GPHN: variants seen among roughly 807,000 people sequenced by gnomAD.
The protein encoded by GPHN is gephyrin.
GPHN carries 17 observed loss-of-function variants against 95.5 expected under a neutral mutation model. The ratio of observed to expected loss-of-function variants is 0.18; its 90% CI spans 0.12 to 0.27. The LOEUF (loss-of-function observed/expected upper bound fraction) is 0.27, where lower values mean the gene tolerates loss of function less well. GPHN is among the 10% of genes least tolerant of loss of function. GPHN has a pLI of 1.00. For synonymous variants in GPHN, 320 were observed against 322.5 expected, an observed-to-expected ratio of 0.99 and a Z score of 0.08; for missense variants, 660 against 978.1, an observed-to-expected ratio of 0.67 and a Z score of 4.34.
chr14:67,548,328 T>A, the GPHN span, among the ~76,000 whole-genome samples: 1 of 152,214 alleles, frequency 6.6e-6, no homozygotes, highest in African/African-American at 2.4e-5. Context: ...ATGGCATCAA[T>A]ATTAGAACTA....
chr14:67,619,936 C>G, the GPHN span: 1 of 1,384,654 alleles, frequency 7.2e-7, no homozygotes, highest in Non-Finnish European at 9.7e-7. Flanking sequence ...GGCTTCCAAC[C>G]GCGCGGAGCC....
At chr14:67,152,958 C>G (rs1033805524) in intron 18 of GPHN, among the ~76,000 whole-genome samples, 1 of 128,444 alleles carries the variant, frequency 7.8e-6, no homozygotes, top group African/African-American at 4.2e-5. Flanking sequence ...AGCGAGACTC[C>G]GTGTCAAAAA....
In GPHN at chr14:66,749,406, A is replaced by G. The variant is rs977781600; in HGVS notation, c.144-27058A>G. Among the ~76,000 whole-genome samples, 9 of 151,948 alleles carry G rather than the reference A, an allele frequency of 5.9e-5. No individual in the cohort carries two copies. In the South Asian group the frequency reaches 1.0e-3, roughly 17 times the overall value. On this transcript the variant is annotated intron_variant, in intron 2 of 22. Transcript: ENST00000478722. ...TGTGGTACAGTGTGTTTAGTTTTGT[A>G]AGAAACCACCAGACTGTCTTCCAAA...
intron 7 of GPHN, among the ~76,000 whole-genome samples, chr14:66,923,760 G>T (rs2066338239): frequency 6.6e-6 from 1 of 151,676 alleles, no homozygotes; most frequent in Non-Finnish European, 1.5e-5. Context: ...AGATTTTATG[G>T]ATTATCCAGT....
intron 1 of GPHN, among the ~76,000 whole-genome samples, chr14:66,557,285 A>AT (rs755420242): frequency 1.3e-5 from 2 of 151,920 alleles, no homozygotes; most frequent in Non-Finnish European, 2.9e-5. Context: ...AGATAGATAG[A>AT]ATGAATTTAA....
At chr14:67,130,472 C>G (rs889745600) in intron 17 of GPHN, among the ~76,000 whole-genome samples, 7 of 152,146 alleles carry the variant, frequency 4.6e-5, no homozygotes, top group Non-Finnish European at 1.0e-4. Flanking sequence ...TAGCTGTGTA[C>G]TATTCCATGA....
At chr14:66,778,726 CTTTTTTTTTTT>C (rs759940498) in intron 3 of GPHN, among the ~76,000 whole-genome samples, 2 of 59,376 alleles carry the variant, frequency 3.4e-5, no homozygotes, top group African/African-American at 7.6e-5. Flanking sequence ...ACTCAAGGGG[CTTTTTTTTTTT>C]TTTTTTTTTT....
chr14:67,407,413 G>A, the GPHN span, among the ~76,000 whole-genome samples: 1 of 151,284 alleles, frequency 6.6e-6, no homozygotes, highest in African/African-American at 2.4e-5. Flanking sequence ...GAGCCACCAC[G>A]CCCAGCCCCT....
At chr14:67,436,550 G>A in the GPHN span, among the ~76,000 whole-genome samples, 2 of 152,094 alleles carry the variant, frequency 1.3e-5, no homozygotes, top group Non-Finnish European at 2.9e-5. Context: ...ACCAGGCAGG[G>A]GAGAGTTTCT....
chr14:66,582,819 A>C (rs1470284115), intron 1 of GPHN, among the ~76,000 whole-genome samples: 4 of 152,084 alleles, frequency 2.6e-5, no homozygotes, highest in Non-Finnish European at 5.9e-5. Flanking sequence ...AGTCTTTGCT[A>C]TTGTGAATAG....
the GPHN span, chr14:67,345,835 T>C: frequency 6.2e-7 from 1 of 1,614,144 alleles, no homozygotes; most frequent in Non-Finnish European, 8.5e-7. Flanking sequence ...TTTAGCCAAC[T>C]GTTCCCCACC....
At chr14:67,471,745 C>T in the GPHN span, 1 of 152,348 alleles carries the variant, frequency 6.6e-6, no homozygotes, top group East Asian at 1.9e-4. Flanking sequence ...CTGTGGCCCA[C>T]CCCACCACAC....
At chr14:67,564,675 A>AT in the GPHN span, among the ~76,000 whole-genome samples, 108 of 132,632 alleles carry the variant, frequency 8.1e-4, no homozygotes, top group East Asian at 4.1e-3. Flanking sequence ...CCAGGCTGAC[A>AT]TTTTTTTTTT....
At chr14:67,661,851 C>T in the GPHN span, among the ~76,000 whole-genome samples, 7 of 152,090 alleles carry the variant, frequency 4.6e-5, no homozygotes, top group Non-Finnish European at 8.8e-5. Flanking sequence ...ATCTTAATGG[C>T]CAGCTCTTAA....
At chr14:67,600,247 G>C in the GPHN span, 3 of 1,483,092 alleles carry the variant, frequency 2.0e-6, no homozygotes, top group Admixed American at 2.2e-5. Context: ...GCTGCACTGC[G>C]CTCGCCGGCC....
At chr14:67,721,330 C>T in the GPHN span, among the ~76,000 whole-genome samples, 1 of 152,104 alleles carries the variant, frequency 6.6e-6, no homozygotes, top group Non-Finnish European at 1.5e-5. Flanking sequence ...TCCTAGCTCA[C>T]TTCAACCTTG....
the GPHN span, chr14:67,347,518 T>TTTA: frequency 3.6e-6 from 4 of 1,102,354 alleles, no homozygotes; most frequent in East Asian, 4.9e-5. Flanking sequence ...TTTTTTTTTC[T>TTTA]GAGACGGAGT....
chr14:67,230,474 A>G, the GPHN span, among the ~76,000 whole-genome samples: 1 of 152,140 alleles, frequency 6.6e-6, no homozygotes. Flanking sequence ...CAGGAGACTG[A>G]GGATGGAAGA....
At chr14:67,122,538 T>C (rs2079071883) in intron 17 of GPHN, among the ~76,000 whole-genome samples, 161 bp downstream of exon 17, 1 of 152,232 alleles carries the variant, frequency 6.6e-6, no homozygotes, top group African/African-American at 2.4e-5. Context: ...ATCTATGTCC[T>C]TTAGAGATAA....
Sources: gnomAD v4.1 joint callset for allele counts (sites outside exome capture counted in the v4.1 genomes callset) on GRCh38, gnomAD v4.1.1 for gene constraint, MANE v1.5 for transcripts, NCBI Gene and HGNC (gene_info 2026-07-23, HGNC 2026-07-21) for gene names.